The following C8orf89 variants were observed in gnomAD, a reference collection of about 807,000 sequenced individuals.
The protein encoded by C8orf89 is chromosome 8 open reading frame 89.
Under a neutral mutation model 15.8 loss-of-function variants are expected in C8orf89, and 14 were observed. The ratio of observed to expected loss-of-function variants is 0.89; its 90% CI spans 0.59 to 1.39. C8orf89 has a LOEUF of 1.39. Ranked by LOEUF, C8orf89 falls within the 40% of genes most tolerant of loss-of-function variation. The pLI is 0.00. For synonymous variants in C8orf89, 55 were observed against 62.2 expected, an observed-to-expected ratio of 0.88 and a Z score of 0.54; for missense variants, 181 against 184.5, an observed-to-expected ratio of 0.98 and a Z score of 0.11.
the C8orf89 span, among the ~76,000 whole-genome samples, chr8:73,270,223 C>A: frequency 6.6e-6 from 1 of 151,932 alleles, no homozygotes; most frequent in Non-Finnish European, 1.5e-5. Flanking sequence ...GCCCATGCAC[C>A]CCCATCCCAA....
chr8:73,259,582 A>T (rs985478905), upstream of C8orf89: 14 of 556,934 alleles, frequency 2.5e-5, no homozygotes, highest in Non-Finnish European at 3.9e-5. Context: ...TTTCTCTTTC[A>T]AACTTTGAAC....
chr8:73,242,241 A>C (rs1813022882), intron 3 of C8orf89, among the ~76,000 whole-genome samples: 1 of 152,190 alleles, frequency 6.6e-6, no homozygotes, highest in East Asian at 1.9e-4. Context: ...TTTGCAGACT[A>C]CCCATCTGAC....
the C8orf89 span, among the ~76,000 whole-genome samples, chr8:73,278,980 A>C: frequency 1.3e-5 from 2 of 152,220 alleles, no homozygotes; most frequent in Non-Finnish European, 2.9e-5. Context: ...GTTAATTAAA[A>C]GGACAATTCT....
chr8:73,248,967 C>G (rs1166947144), intron 3 of C8orf89, among the ~76,000 whole-genome samples: 1 of 152,084 alleles, frequency 6.6e-6, no homozygotes. Context: ...GTCAGAACTT[C>G]CAATACTGTG....
chr8:73,245,902 A>C (rs1231764633), intron 3 of C8orf89, among the ~76,000 whole-genome samples: 1 of 152,212 alleles, frequency 6.6e-6, no homozygotes, highest in Non-Finnish European at 1.5e-5. Flanking sequence ...TCGAGAGAAA[A>C]ATCATTCCAA....
the C8orf89 span, among the ~76,000 whole-genome samples, chr8:73,283,857 T>C: frequency 6.6e-6 from 1 of 151,996 alleles, no homozygotes; most frequent in East Asian, 1.9e-4. Context: ...CTGGCCAACA[T>C]GGTGAAACCC....
At chr8:73,285,325 G>A in the C8orf89 span, among the ~76,000 whole-genome samples, 13 of 152,154 alleles carry the variant, frequency 8.5e-5, no homozygotes, top group African/African-American at 2.9e-4. Context: ...ATACAGATCC[G>A]GCAGGCGGAC....
the C8orf89 span, among the ~76,000 whole-genome samples, chr8:73,271,580 C>T: frequency 6.6e-6 from 1 of 152,158 alleles, no homozygotes; most frequent in Non-Finnish European, 1.5e-5. Context: ...TCTTGTACAG[C>T]TTGCAGAGAC....
the C8orf89 span, chr8:73,278,093 T>C: frequency 2.1e-5 from 8 of 372,142 alleles, no homozygotes; most frequent in Non-Finnish European, 3.5e-5. Flanking sequence ...GGGGTGTGTG[T>C]CTGCCTGGTT....
chr8:73,281,245 CCT>C, the C8orf89 span, among the ~76,000 whole-genome samples: 2 of 151,876 alleles, frequency 1.3e-5, no homozygotes, highest in Admixed American at 6.6e-5. Flanking sequence ...ATAATGAGAC[CCT>C]GTCTCCACAA....
the C8orf89 span, among the ~76,000 whole-genome samples, chr8:73,268,457 C>T: frequency 6.6e-5 from 10 of 151,156 alleles, no homozygotes; most frequent in Non-Finnish European, 1.3e-4. Context: ...CCAGCCTGGG[C>T]GACAGGGTGA....
At chr8:73,247,033 T>C (rs1010048475) in intron 3 of C8orf89, among the ~76,000 whole-genome samples, 1 of 152,248 alleles carries the variant, frequency 6.6e-6, no homozygotes, top group Admixed American at 6.5e-5. Context: ...TAAAAATCTT[T>C]AACTTTCTTT....
At chr8:73,242,105 C>G (rs1813020434) in intron 3 of C8orf89, among the ~76,000 whole-genome samples, 1 of 152,088 alleles carries the variant, frequency 6.6e-6, no homozygotes, top group Non-Finnish European at 1.5e-5. Context: ...AGTAATACCC[C>G]AGAAGCACAG....
At chr8:73,248,362 G>C (rs1227364223) in intron 3 of C8orf89, among the ~76,000 whole-genome samples, 1 of 152,106 alleles carries the variant, frequency 6.6e-6, no homozygotes, top group East Asian at 1.9e-4. Flanking sequence ...ACGGTTTGAA[G>C]TCAGGTTGTG....
At chr8:73,263,265 G>C (rs1895260), upstream of C8orf89, among the ~76,000 whole-genome samples, 108,018 of 152,102 alleles carry the variant, frequency 0.71, 38,632 homozygotes, top group African/African-American at 0.77. Flanking sequence ...ATAATCTCAA[G>C]AATTTGGGAG....
chr8:73,282,112 CTT>C, the C8orf89 span, among the ~76,000 whole-genome samples: 1 of 152,202 alleles, frequency 6.6e-6, no homozygotes, highest in Non-Finnish European at 1.5e-5. Context: ...ATACATGTGA[CTT>C]TTTATTCTCA....
intron 3 of C8orf89, among the ~76,000 whole-genome samples, chr8:73,249,264 T>C (rs531231386): frequency 6.6e-6 from 1 of 152,350 alleles, no homozygotes; most frequent in African/African-American, 2.4e-5. Flanking sequence ...ACTGCAGGGA[T>C]AAAGCCTACT....
At chr8:73,263,787 A>G (rs1813571795), upstream of C8orf89, among the ~76,000 whole-genome samples, 1 of 152,170 alleles carries the variant, frequency 6.6e-6, no homozygotes, top group South Asian at 2.1e-4. Flanking sequence ...AGTTTATTTC[A>G]GATAAAGTAC....
chr8:73,261,289 G>T, upstream of C8orf89, among the ~76,000 whole-genome samples: 1 of 152,146 alleles, frequency 6.6e-6, no homozygotes, highest in South Asian at 2.1e-4. Flanking sequence ...CCTTTCTCCG[G>T]TGAGAGACAA....
Sources: allele counts gnomAD v4.1 joint callset (sites outside exome capture counted in the v4.1 genomes callset), GRCh38; gene constraint gnomAD v4.1.1; transcripts MANE v1.5; gene names NCBI Gene and HGNC (gene_info 2026-07-23, HGNC 2026-07-21).